AGBL4: variants seen among roughly 807,000 people sequenced by gnomAD.
AGBL4 encodes the protein cytosolic carboxypeptidase 6.
Under a neutral mutation model 66.4 loss-of-function variants are expected in AGBL4, and 58 were observed. That is an observed-to-expected ratio of 0.87 (90% CI 0.71 to 1.09). AGBL4 has a LOEUF of 1.09. AGBL4 is among the 50% of genes least tolerant of loss of function. The probability of loss-of-function intolerance (pLI) is 0.00; values close to 1 mark genes in which losing one functional copy is unlikely to be tolerated. For missense variants in AGBL4, 579 were observed against 631.0 expected (o/e 0.92, Z 0.88); for synonymous variants, 234 against 222.9 (o/e 1.05, Z -0.44).
At chr1:49,184,114 G>T (rs955052304) in intron 4 of AGBL4, among the ~76,000 whole-genome samples, 1 of 152,096 alleles carries the variant, frequency 6.6e-6, no homozygotes, top group Non-Finnish European at 1.5e-5. Context: ...TTTACAAGGT[G>T]CCAGATGTAG....
intron 5 of AGBL4, among the ~76,000 whole-genome samples, chr1:48,931,770 A>G (rs2883744): frequency 0.081 from 12,362 of 152,132 alleles, 679 homozygotes; most frequent in East Asian, 0.16. Flanking sequence ...CGGCTTCCTG[A>G]AGTGCTGGGA....
In AGBL4 at chr1:49,491,974, C is replaced by G. The variant is rs184097968; in HGVS notation, c.282+205339G>C. ...CACAGTTTGAGATTAACAGCAATAA[C>G]TAATAATAAAATAGAATAATTATAA... On this transcript the variant is annotated intron_variant, in intron 3 of 13. Coordinates refer to ENST00000371839, the MANE Select transcript of AGBL4 (RefSeq NM_032785.4). Among the ~76,000 whole-genome samples the G allele has an allele frequency of 3.3e-3, 499 of 151,886 alleles. 4 individuals are homozygous for G. Among genetic ancestry groups the G allele is most frequent in the Non-Finnish European group, 5.4e-3 (364 of 67,910 alleles).
chr1:48,979,898 T>A (rs1659610828), intron 5 of AGBL4, among the ~76,000 whole-genome samples: 1 of 152,172 alleles, frequency 6.6e-6, no homozygotes, highest in Non-Finnish European at 1.5e-5. Context: ...AATTTTTATT[T>A]TACTGAGGTA....
chr1:48,926,018 G>A (rs567788622), intron 5 of AGBL4, among the ~76,000 whole-genome samples: 132 of 152,286 alleles, frequency 8.7e-4, no homozygotes, highest in African/African-American at 3.1e-3. Context: ...ATCTCCTGTG[G>A]TTAGATGAAT....
intron 4 of AGBL4, among the ~76,000 whole-genome samples, chr1:49,186,768 T>C (rs1647023311): frequency 6.6e-6 from 1 of 152,046 alleles, no homozygotes; most frequent in African/African-American, 2.4e-5. Context: ...ATAAAGATAA[T>C]AGAAAAACAC....
rs796097397 is a variant in AGBL4, at chr1:50,019,304, T to TCA, written c.34+4458_34+4459insTG. ...CTCTCTCTCTCTCTCTCTCTCTCTC[T>TCA]CTCACACACACACACACACACACAC... On this transcript the variant is annotated intron_variant, in intron 1 of 13. Transcript: ENST00000371839. 9.0e-3 allele frequency among the ~76,000 whole-genome samples: 420 copies of TCA among 46,860 alleles called. 1 individual carries two copies. The highest frequency in any genetic ancestry group is 0.012 in the Non-Finnish European group (228 of 19,524). 30.7% of individuals were successfully genotyped at this position (46,860 alleles called of 152,430 possible). A position where few individuals can be genotyped will look rare whatever the true frequency, so the allele number is the denominator to read the frequency against.
intron 2 of AGBL4, among the ~76,000 whole-genome samples, chr1:49,777,422 T>C (rs1644225804): frequency 1.3e-5 from 2 of 152,204 alleles, no homozygotes; most frequent in African/African-American, 2.4e-5. Flanking sequence ...ATCAAAAGTA[T>C]AGAAATCATT....
chr1:49,189,959 T>C (rs950812780), intron 4 of AGBL4, among the ~76,000 whole-genome samples: 2 of 152,172 alleles, frequency 1.3e-5, no homozygotes, highest in African/African-American at 4.8e-5. Context: ...ACACTCCTGT[T>C]ATAATAATGC....
At chr1:49,171,934 T>C (rs1449657852) in intron 4 of AGBL4, among the ~76,000 whole-genome samples, 2 of 152,188 alleles carry the variant, frequency 1.3e-5, no homozygotes, top group African/African-American at 4.8e-5. Context: ...ATTATCACTA[T>C]CTTAGAGACA....
intron 4 of AGBL4, among the ~76,000 whole-genome samples, chr1:49,206,842 G>A (rs1217036914): frequency 7.8e-6 from 1 of 127,718 alleles, no homozygotes; most frequent in Admixed American, 1.1e-4. Flanking sequence ...AGAACTTTCT[G>A]AGCATTAGAC....
chr1:49,264,938 G>C (rs1653577014), intron 3 of AGBL4, among the ~76,000 whole-genome samples: 1 of 151,912 alleles, frequency 6.6e-6, no homozygotes, highest in Admixed American at 6.6e-5. Context: ...AGATTTATTT[G>C]GTTTCAATCA....
intron 1 of AGBL4, among the ~76,000 whole-genome samples, chr1:49,896,203 G>T (rs1649185746): frequency 6.6e-6 from 1 of 152,010 alleles, no homozygotes; most frequent in African/African-American, 2.4e-5. Flanking sequence ...AAATATATAT[G>T]TACCCAATAT....
At chr1:48,789,460 T>C (rs1645490957) in intron 6 of AGBL4, among the ~76,000 whole-genome samples, 1 of 151,966 alleles carries the variant, frequency 6.6e-6, no homozygotes, top group African/African-American at 2.4e-5. Context: ...GGCTAATTTT[T>C]TTGTATTTTT....
intron 4 of AGBL4, among the ~76,000 whole-genome samples, chr1:49,166,611 C>T (rs1027795666): frequency 6.6e-6 from 1 of 152,044 alleles, no homozygotes; most frequent in Non-Finnish European, 1.5e-5. Flanking sequence ...ATTTAAGCTC[C>T]CAAAGTATTA....
At chr1:49,152,568 G>C (rs1646357569) in intron 4 of AGBL4, among the ~76,000 whole-genome samples, 1 of 152,222 alleles carries the variant, frequency 6.6e-6, no homozygotes, top group South Asian at 2.1e-4. Context: ...ACCCCACCTA[G>C]GGATTCTTCC....
At position 49,715,142 on chromosome 1, in the gene AGBL4, T is replaced by A. The variant is rs367804642; in HGVS notation, c.158-17705A>T. Among the ~76,000 whole-genome samples the A allele has an allele frequency of 3.9e-4, 59 of 151,980 alleles. 1 individual carries two copies. The South Asian group carries it at 9.5e-3, about 25-fold the overall frequency. On this transcript the variant is annotated intron_variant, in intron 2 of 13. Coordinates refer to ENST00000371839, the MANE Select transcript of AGBL4 (RefSeq NM_032785.4). The stretch of plus-strand genomic sequence containing the variant: ...GCCCCCCAGCCCCAACAGGCTCTGG[T>A]GTGTGATGTTCCCCTCCCTGTGTCC...
At chr1:49,546,922 A>G (rs1278248427) in intron 3 of AGBL4, among the ~76,000 whole-genome samples, 2 of 152,156 alleles carry the variant, frequency 1.3e-5, no homozygotes, top group East Asian at 3.9e-4. Flanking sequence ...TCAGATGTAT[A>G]GATTGTGAAG....
At chr1:48,893,366 G>A (rs1651161910) in intron 5 of AGBL4, among the ~76,000 whole-genome samples, 1 of 152,030 alleles carries the variant, frequency 6.6e-6, no homozygotes, top group Non-Finnish European at 1.5e-5. Flanking sequence ...GAGCCCTTAT[G>A]AATGAGATTA....
chr1:49,645,424 C>T (rs1162561020), intron 3 of AGBL4, among the ~76,000 whole-genome samples: 4 of 151,042 alleles, frequency 2.6e-5, no homozygotes, highest in Admixed American at 6.6e-5. Flanking sequence ...CAATTTCATG[C>T]CAATAAATTT....
Sources: allele counts gnomAD v4.1 joint callset (sites outside exome capture counted in the v4.1 genomes callset), GRCh38; gene constraint gnomAD v4.1.1; transcripts MANE v1.5; gene names NCBI Gene and HGNC (gene_info 2026-07-23, HGNC 2026-07-21).